CASK: variants seen among roughly 807,000 people sequenced by gnomAD.
CASK encodes peripheral plasma membrane protein CASK.
A neutral mutation model predicts 82.9 loss-of-function variants in CASK; 4 were observed. The observed-to-expected ratio is 0.05, with a 90% confidence interval of 0.02 to 0.11. The LOEUF (loss-of-function observed/expected upper bound fraction) is 0.11. CASK is among the 10% of genes least tolerant of loss of function. The probability of loss-of-function intolerance (pLI) is 1.00; values close to 1 mark genes in which losing one functional copy is unlikely to be tolerated. For missense variants in CASK, 358 were observed against 720.9 expected (o/e 0.50, Z 5.76); for synonymous variants, 259 against 253.5 (o/e 1.02, Z -0.20).
chrX:41,696,172 T>A (rs895214157), intron 5 of CASK: 1 of 1,206,093 alleles, frequency 8.3e-7, no homozygotes, highest in Non-Finnish European at 1.1e-6. Flanking sequence ...ATAGTATGGA[T>A]GCTTGCTCTT....
intron 3 of CASK, among the ~76,000 whole-genome samples, chrX:41,758,007 C>T (rs1162868945): frequency 8.9e-6 from 1 of 112,544 alleles, no homozygotes; most frequent in Non-Finnish European, 1.9e-5. Flanking sequence ...ATCTAAACTA[C>T]TCCGTATTTG....
At chrX:41,742,748 A>G (rs1041027612) in intron 4 of CASK, among the ~76,000 whole-genome samples, 1 of 112,162 alleles carries the variant, frequency 8.9e-6, no homozygotes, top group African/African-American at 3.2e-5. Context: ...AAACCAATGG[A>G]AGAATCTACG....
intron 2 of CASK, among the ~76,000 whole-genome samples, chrX:41,839,569 G>A (rs138725075): frequency 0.016 from 1,642 of 102,446 alleles, 13 homozygotes; most frequent in Middle Eastern, 0.026. Flanking sequence ...ATTTTTCTGC[G>A]TAGACTGTCA....
intron 22 of CASK, among the ~76,000 whole-genome samples, chrX:41,539,988 G>C (rs1007875873): frequency 8.9e-6 from 1 of 112,164 alleles, no homozygotes; most frequent in Non-Finnish European, 1.9e-5. Context: ...ATCCTGACTA[G>C]AGAATCACAA....
intron 8 of CASK, among the ~76,000 whole-genome samples, chrX:41,647,447 C>A (rs1056773891): frequency 9.0e-6 from 1 of 111,703 alleles, no homozygotes; most frequent in African/African-American, 3.3e-5. Context: ...TAGATTAAAC[C>A]CCACGACTTA....
intron 1 of CASK, among the ~76,000 whole-genome samples, chrX:41,859,686 T>C (rs1447381799): frequency 8.9e-6 from 1 of 111,805 alleles, no homozygotes; most frequent in East Asian, 2.8e-4. Flanking sequence ...ATGGGGAAAA[T>C]ACGTGAGTTA....
At chrX:41,675,673 TA>T in intron 5 of CASK, 1 of 843,445 alleles carries the variant, frequency 1.2e-6, no homozygotes, top group Non-Finnish European at 1.7e-6. Flanking sequence ...AAATCGTAAA[TA>T]AAAAACTTTG....
chrX:41,835,309 C>T (rs2070909417), intron 2 of CASK, among the ~76,000 whole-genome samples: 1 of 111,920 alleles, frequency 8.9e-6, no homozygotes, highest in African/African-American at 3.2e-5. Flanking sequence ...TCACCTTGGC[C>T]TCCCAAAGTG....
intron 2 of CASK, among the ~76,000 whole-genome samples, chrX:41,842,767 AT>A (rs1212816786): frequency 9.0e-6 from 1 of 111,293 alleles, no homozygotes; most frequent in Non-Finnish European, 1.9e-5. Flanking sequence ...TTTGGGAAAT[AT>A]TTTCACTTTA....
intron 3 of CASK, among the ~76,000 whole-genome samples, chrX:41,756,795 G>A (rs2068905083): frequency 8.9e-6 from 1 of 112,025 alleles, no homozygotes; most frequent in Non-Finnish European, 1.9e-5. Flanking sequence ...ACTTGACCAA[G>A]AGATCACACA....
At position 41,742,134 on chromosome X, in the gene CASK, A is replaced by G. The variant is rs916221876; in HGVS notation, c.357-2678T>C. Among the ~76,000 whole-genome samples, 11 of 112,078 alleles carry G rather than the reference A, an allele frequency of 9.8e-5. No homozygotes were observed. In the Admixed American group the frequency reaches 1.0e-3, roughly 11 times the overall value. On this transcript the variant is annotated intron_variant, in intron 4 of 26. Transcript: ENST00000378163. ...AATAGGATATCTCTGGCTAAGGATT[A>G]CTATGGTAAGTAGAACACGGGATCT... is the stretch of plus-strand genomic sequence containing the variant.
chrX:41,594,787 C>T (rs2065795033), intron 12 of CASK, among the ~76,000 whole-genome samples: 1 of 111,712 alleles, frequency 9.0e-6, no homozygotes, highest in African/African-American at 3.3e-5. Context: ...GGGACGAGAA[C>T]GTTTCTGAGA....
intron 16 of CASK, among the ~76,000 whole-genome samples, chrX:41,568,019 C>G (rs2065346369): frequency 1.1e-5 from 1 of 93,983 alleles, no homozygotes; most frequent in South Asian, 5.4e-4. Flanking sequence ...TGTTCTCACT[C>G]ATAGGTGGGA....
chrX:41,674,203 G>A (rs2067235254), intron 5 of CASK, among the ~76,000 whole-genome samples: 1 of 110,513 alleles, frequency 9.0e-6, no homozygotes, highest in African/African-American at 3.3e-5. Flanking sequence ...TAGGATGAGG[G>A]AAATAGTCTG....
chrX:41,651,981 AG>A (rs1468807107), intron 8 of CASK, among the ~76,000 whole-genome samples: 3 of 111,251 alleles, frequency 2.7e-5, no homozygotes, highest in Non-Finnish European at 5.7e-5. Context: ...AGGGAGGGGA[AG>A]GGGGATAGGG....
chrX:41,612,642 C>T (rs1443890324), intron 11 of CASK, among the ~76,000 whole-genome samples: 10 of 85,746 alleles, frequency 1.2e-4, no homozygotes, highest in Non-Finnish European at 1.4e-4. Context: ...CCGCCCCGTC[C>T]GGGAGGGAGG....
At chrX:41,869,643 C>A (rs1237448600) in intron 1 of CASK, among the ~76,000 whole-genome samples, 1 of 106,450 alleles carries the variant, frequency 9.4e-6, no homozygotes, top group African/African-American at 3.4e-5. Flanking sequence ...TGAATCCATG[C>A]CTCTACTGAA....
intron 15 of CASK, among the ~76,000 whole-genome samples, chrX:41,575,034 AC>A (rs1419162819): frequency 6.2e-5 from 7 of 112,422 alleles, no homozygotes; most frequent in African/African-American, 2.3e-4. Flanking sequence ...TTGTATGGTT[AC>A]TAAGAAAAGT....
rs766066585 is a variant in CASK, at chrX:41,621,156, C to T, written c.1033+1461G>A. ...AAAAAAGAGGAGCGCTAAATCTAGA[C>T]GGGAAGAATCTTACATTTTAATAGT... On this transcript the variant is annotated intron_variant, in intron 11 of 26. Coordinates refer to ENST00000378163, the MANE Select transcript of CASK (RefSeq NM_001367721.1). 8.2e-5 allele frequency among the ~76,000 whole-genome samples: 9 copies of T among 109,510 alleles called. No homozygotes were observed. The South Asian group carries it at 3.5e-3, about 43-fold the overall frequency.
Sources: gnomAD v4.1 joint callset for allele counts (sites outside exome capture counted in the v4.1 genomes callset) on GRCh38, gnomAD v4.1.1 for gene constraint, MANE v1.5 for transcripts, NCBI Gene and HGNC (gene_info 2026-07-23, HGNC 2026-07-21) for gene names.